The following RIF1 variants were observed in gnomAD, a reference collection of about 807,000 sequenced individuals.
The protein encoded by RIF1 is replication timing regulatory factor 1, also known as telomere-associated protein RIF1.
A neutral mutation model predicts 247.1 loss-of-function variants in RIF1; 45 were observed. The observed-to-expected ratio is 0.18, with a 90% CI of 0.14 to 0.23. The LOEUF (loss-of-function observed/expected upper bound fraction) is 0.23. RIF1 is among the 10% of genes least tolerant of loss of function. The pLI is 1.00. For synonymous variants in RIF1, 1,087 were observed against 978.8 expected, an observed-to-expected ratio of 1.11 and a Z score of -2.06; for missense variants, 2,967 against 2,862.5, an observed-to-expected ratio of 1.04 and a Z score of -0.83.
At chr2:151,503,416 G>A in intron 12 of RIF1, 5 of 1,611,724 alleles carry the variant, frequency 3.1e-6, no homozygotes, top group Non-Finnish European at 4.2e-6. Context: ...TGGAATGCCT[G>A]TTCCCAAGTT....
At chr2:151,530,256 T>C in the RIF1 span, among the ~76,000 whole-genome samples, 1 of 152,206 alleles carries the variant, frequency 6.6e-6, no homozygotes. Flanking sequence ...TTTTGGTATA[T>C]GTGGGTTTGG....
chr2:151,469,382 G>A (rs139627516), intron 33 of RIF1, among the ~76,000 whole-genome samples: 5 of 152,256 alleles, frequency 3.3e-5, no homozygotes, highest in African/African-American at 9.6e-5. Flanking sequence ...ATTTAATGAT[G>A]CAGTAATATG....
At chr2:151,427,296 G>C (rs1026035471) in intron 8 of RIF1, among the ~76,000 whole-genome samples, 2 of 150,332 alleles carry the variant, frequency 1.3e-5, no homozygotes, top group African/African-American at 4.9e-5. Flanking sequence ...CTGCAGCCTC[G>C]GCCTCTCAGG....
At chr2:151,467,036 C>G (rs1697021509) in intron 30 of RIF1, among the ~76,000 whole-genome samples, 1 of 152,030 alleles carries the variant, frequency 6.6e-6, no homozygotes, top group African/African-American at 2.4e-5. Flanking sequence ...CAAGACCAGC[C>G]TGACCAACAT....
rs1696509570 is a variant in RIF1 at position 151,463,618 on chromosome 2, A to G, written c.4098A>G (p.Val1366=). ...AAGCAGCAACAGTGGAAAATGCTGT[A>G]TTATTGGAAACTAATACTGTAGAGG... ...KLKAATVENA[V]LLETNTVEEK... is the part of the protein sequence containing the mutation. The change falls in exon 30 of 36, where the codon GTA becomes GTG. Residue 1366 remains valine, a synonymous_variant. Coordinates refer to ENST00000444746, the MANE Select transcript of RIF1 (RefSeq NM_018151.5). 2 of 1,613,662 alleles carry G rather than the reference A, an allele frequency of 1.2e-6. No homozygotes were observed. Among genetic ancestry groups the G allele is most frequent in the Admixed American group, 1.7e-5 (1 of 60,004 alleles).
the RIF1 span, chr2:151,524,212 C>A: frequency 4.1e-5 from 41 of 1,005,628 alleles, no homozygotes; most frequent in Non-Finnish European, 5.9e-5. Flanking sequence ...ATTACAGACC[C>A]AGCATCCCTT....
intron 20 of RIF1, among the ~76,000 whole-genome samples, chr2:151,448,483 T>C (rs1343998254): frequency 6.6e-6 from 1 of 152,212 alleles, no homozygotes; most frequent in Non-Finnish European, 1.5e-5. Flanking sequence ...ATACATATCC[T>C]CTACTTGTTA....
rs541969496 is a variant in RIF1 at position 151,431,695 on chromosome 2, G to C, written c.926-1382G>C. Among the ~76,000 whole-genome samples, 178 of 152,292 alleles carry C rather than the reference G, an allele frequency of 1.2e-3. 1 individual carries two copies. The highest frequency in any genetic ancestry group is 1.6e-3 in the Non-Finnish European group (106 of 68,026). ...CCAGCTACTTGGGAGGCAGAGGCAGGAGAATCCGGGAGGAGGAGGCTGCAG... is the reference window on the plus strand; with the variant it reads ...CCAGCTACTTGGGAGGCAGAGGCAGCAGAATCCGGGAGGAGGAGGCTGCAG... On this transcript the variant is annotated intron_variant, in intron 9 of 35. Transcript: ENST00000444746.
chr2:151,492,213 A>G (rs2057154231), intron 9 of RIF1: 2 of 1,613,938 alleles, frequency 1.2e-6, no homozygotes, highest in East Asian at 4.5e-5. Context: ...TTACTCGTTC[A>G]GTGATAGGAT....
intron 15 of RIF1, among the ~76,000 whole-genome samples, chr2:151,441,007 C>A (rs549701481): frequency 6.6e-6 from 1 of 152,170 alleles, no homozygotes; most frequent in Non-Finnish European, 1.5e-5. Flanking sequence ...TATATTACCA[C>A]TGGGCATGGT....
At chr2:151,470,028 T>G (rs1162968840) in intron 34 of RIF1, among the ~76,000 whole-genome samples, 164 bp downstream of exon 34, 1 of 152,122 alleles carries the variant, frequency 6.6e-6, no homozygotes, top group Non-Finnish European at 1.5e-5. Context: ...AAATTGTTTT[T>G]TCATTAAATT....
rs1231617812 is a variant in RIF1, at chr2:151,474,939, T to C, written c.7287T>C (p.Asp2429=). The C allele has an allele frequency of 1.9e-6, 3 of 1,610,622 alleles. No individual in the cohort carries two copies. The African/African-American group carries it at 4.0e-5, about 22-fold the overall frequency. Residue 2429 remains aspartate (D), a synonymous_variant, in exon 36 of 36, where the codon GAT becomes GAC. Coordinates refer to ENST00000444746, the MANE Select transcript of RIF1 (RefSeq NM_018151.5). Reference sequence around the variant, plus strand: ...TTAGTGCTCTTGCTCTTCAGCTGGATTCAGAAGATCTTCATAATTATTCAG... The same window carrying C: ...TTAGTGCTCTTGCTCTTCAGCTGGACTCAGAAGATCTTCATAATTATTCAG... ...AQISALALQL[D]SEDLHNYSGS...
At chr2:151,459,137 TCTGTG>T (rs1695713411) in intron 25 of RIF1, among the ~76,000 whole-genome samples, 2 of 152,226 alleles carry the variant, frequency 1.3e-5, no homozygotes, top group Non-Finnish European at 2.9e-5. Context: ...GGGTACCTCA[TCTGTG>T]CTGTTCACAA....
downstream of RIF1, among the ~76,000 whole-genome samples, chr2:151,510,918 A>C (rs2073746641): frequency 6.6e-6 from 1 of 152,224 alleles, no homozygotes; most frequent in African/African-American, 2.4e-5. Context: ...TCTCCATTGG[A>C]AATCGAGAAG....
chr2:151,485,662 A>G, downstream of RIF1: 1 of 1,186,358 alleles, frequency 8.4e-7, no homozygotes, highest in Non-Finnish European at 1.2e-6. Context: ...GAAAAACCAT[A>G]GGCAGCTTGA....
At chr2:151,503,790 TAATG>T (rs2066644206) in intron 12 of RIF1, among the ~76,000 whole-genome samples, 1 of 152,192 alleles carries the variant, frequency 6.6e-6, no homozygotes, top group Admixed American at 6.5e-5. Flanking sequence ...GACTTGTACT[TAATG>T]AATAGATTGC....
the RIF1 span, chr2:151,533,522 T>C: frequency 7.8e-5 from 121 of 1,551,010 alleles, no homozygotes; most frequent in Non-Finnish European, 9.9e-5. Context: ...TGCAGAAACA[T>C]CTTGGCACTA....
chr2:151,469,534 G>C (rs1302777557), intron 33 of RIF1, among the ~76,000 whole-genome samples, 177 bp from the exon 34 acceptor site: 1 of 152,112 alleles, frequency 6.6e-6, no homozygotes, highest in Admixed American at 6.5e-5. Context: ...GCTTATACCA[G>C]ACATACACAT....
At chr2:151,456,248 C>T (rs1229688563) in intron 22 of RIF1, among the ~76,000 whole-genome samples, 1 of 152,142 alleles carries the variant, frequency 6.6e-6, no homozygotes, top group Non-Finnish European at 1.5e-5. Context: ...ATACAACCTC[C>T]AAATCCATGA....
Sources: allele counts gnomAD v4.1 joint callset (sites outside exome capture counted in the v4.1 genomes callset), GRCh38; gene constraint gnomAD v4.1.1; transcripts MANE v1.5; gene names NCBI Gene and HGNC (gene_info 2026-07-23, HGNC 2026-07-21).